The following UNC13C variants were observed in gnomAD, a reference collection of about 807,000 sequenced individuals.
UNC13C encodes the protein protein unc-13 homolog C.
A neutral mutation model predicts 245.4 loss-of-function variants in UNC13C; 174 were observed. The ratio of observed to expected loss-of-function variants is 0.71; its 90% CI spans 0.63 to 0.80. The LOEUF (loss-of-function observed/expected upper bound fraction) is 0.80, where lower values mean the gene tolerates loss of function less well. UNC13C is among the 30% of genes least tolerant of loss of function. The pLI, the probability that UNC13C is intolerant of heterozygous loss-of-function variation, is 0.00. For missense variants in UNC13C, 2,829 were observed against 2,602.9 expected (o/e 1.09, Z -1.89); for synonymous variants, 992 against 895.1 (o/e 1.11, Z -1.93).
intron 10 of UNC13C, among the ~76,000 whole-genome samples, chr15:54,275,699 G>C (rs1419612949): frequency 6.6e-6 from 1 of 152,052 alleles, no homozygotes; most frequent in African/African-American, 2.4e-5. Context: ...AATTCTCATA[G>C]AACTGGAATT....
At chr15:54,394,418 T>G (rs911540332) in intron 18 of UNC13C, among the ~76,000 whole-genome samples, 2 of 151,888 alleles carry the variant, frequency 1.3e-5, no homozygotes, top group Admixed American at 6.6e-5. Context: ...TCTTCTATTC[T>G]CTTCTGTTAG....
intron 24 of UNC13C, among the ~76,000 whole-genome samples, chr15:54,520,413 A>C (rs1425082155): frequency 1.3e-5 from 2 of 152,168 alleles, no homozygotes; most frequent in Non-Finnish European, 2.9e-5. Context: ...AGCATGTATG[A>C]GCCATCAAAG....
At chr15:54,251,627 T>C (rs2036155285) in intron 8 of UNC13C, among the ~76,000 whole-genome samples, 1 of 152,238 alleles carries the variant, frequency 6.6e-6, no homozygotes, top group Non-Finnish European at 1.5e-5. Context: ...ACTACTTTAT[T>C]TATTTGGTAG....
rs1567216603 is a variant in UNC13C at position 54,363,734 on chromosome 15, C to G, written c.4713+25245C>G. Among the ~76,000 whole-genome samples the G allele has an allele frequency of 3.3e-5, 5 of 152,118 alleles. No individual in the cohort carries two copies. In the South Asian group the frequency reaches 1.0e-3, roughly 32 times the overall value. On this transcript the variant is annotated intron_variant, in intron 17 of 32. Coordinates refer to ENST00000260323, the MANE Select transcript of UNC13C (RefSeq NM_001080534.3). ...GCAACAGACTATTTGGGTAAGCTGT[C>G]TGTGTTAAATTTCCTGATTTTCTCT...
chr15:54,392,626 T>C (rs1322185922), intron 17 of UNC13C, among the ~76,000 whole-genome samples: 2 of 151,774 alleles, frequency 1.3e-5, no homozygotes, highest in Admixed American at 1.3e-4. Context: ...AGATAAATTT[T>C]ATGCATACAC....
At chr15:53,969,733 C>A in the UNC13C span, among the ~76,000 whole-genome samples, 1 of 150,138 alleles carries the variant, frequency 6.7e-6, no homozygotes, top group Admixed American at 6.6e-5. Flanking sequence ...ATCCCATACA[C>A]TTAACATAAA....
chr15:54,485,383 A>G (rs1893352405), intron 19 of UNC13C, among the ~76,000 whole-genome samples: 1 of 152,228 alleles, frequency 6.6e-6, no homozygotes, highest in Non-Finnish European at 1.5e-5. Flanking sequence ...GAAAGAGGTG[A>G]GAGGTAAGGC....
upstream of UNC13C, among the ~76,000 whole-genome samples, chr15:53,975,525 A>G (rs1893669007): frequency 6.6e-6 from 1 of 152,230 alleles, no homozygotes; most frequent in Non-Finnish European, 1.5e-5. Context: ...AAACACTGAA[A>G]ACACAATTCC....
At chr15:54,520,182 A>G (rs374792925) in intron 24 of UNC13C, among the ~76,000 whole-genome samples, 5 of 152,208 alleles carry the variant, frequency 3.3e-5, no homozygotes, top group African/African-American at 9.6e-5. Context: ...AAAATTCAGA[A>G]TCTGGAAGTG....
the UNC13C span, among the ~76,000 whole-genome samples, chr15:53,936,759 C>T: frequency 6.6e-6 from 1 of 152,124 alleles, no homozygotes; most frequent in Admixed American, 6.5e-5. Context: ...TGGAGTGGAC[C>T]CCCAGCAAAC....
chr15:53,868,316 G>C, the UNC13C span, among the ~76,000 whole-genome samples: 4 of 152,150 alleles, frequency 2.6e-5, no homozygotes, highest in Admixed American at 6.5e-5. Context: ...GGACTGATCC[G>C]CACAAAACCC....
At chr15:54,396,697 A>G (rs1171098349) in intron 18 of UNC13C, among the ~76,000 whole-genome samples, 3 of 151,440 alleles carry the variant, frequency 2.0e-5, no homozygotes, top group Non-Finnish European at 4.4e-5. Flanking sequence ...TTGGTTTGAT[A>G]AATCTTTTAG....
At chr15:54,311,625 T>C (rs2037875527) in intron 13 of UNC13C, among the ~76,000 whole-genome samples, 1 of 151,772 alleles carries the variant, frequency 6.6e-6, no homozygotes, top group African/African-American at 2.4e-5. Context: ...ATTTCATTAA[T>C]ATCTTTAAAA....
intron 4 of UNC13C, among the ~76,000 whole-genome samples, chr15:54,229,559 T>C (rs1401219151): frequency 6.6e-6 from 1 of 152,204 alleles, no homozygotes; most frequent in Non-Finnish European, 1.5e-5. Context: ...TTGAAGTTCA[T>C]TTACATTGTG....
chr15:54,409,167 GCTC>G (rs1165452510), intron 18 of UNC13C, among the ~76,000 whole-genome samples: 3 of 151,920 alleles, frequency 2.0e-5, no homozygotes, highest in Non-Finnish European at 2.9e-5. Flanking sequence ...AAGGTGAACA[GCTC>G]CTTTCTTGTG....
intron 19 of UNC13C, among the ~76,000 whole-genome samples, chr15:54,433,900 C>G (rs956523096): frequency 6.6e-6 from 1 of 151,990 alleles, no homozygotes; most frequent in East Asian, 1.9e-4. Flanking sequence ...GATACAAAAT[C>G]GATGTGCAAA....
At chr15:54,227,921 T>C (rs1310555591) in intron 4 of UNC13C, among the ~76,000 whole-genome samples, 1 of 152,210 alleles carries the variant, frequency 6.6e-6, no homozygotes, top group African/African-American at 2.4e-5. Context: ...GCCAGGCTTG[T>C]GTCCTTCCCT....
chr15:54,274,498 T>G (rs1042605210), intron 10 of UNC13C, among the ~76,000 whole-genome samples: 18 of 152,080 alleles, frequency 1.2e-4, no homozygotes, highest in Non-Finnish European at 2.5e-4. Context: ...GACCAATAGA[T>G]TTTTGCTAAA....
chr15:54,481,494 T>C (rs1893115666), intron 19 of UNC13C, among the ~76,000 whole-genome samples: 1 of 152,134 alleles, frequency 6.6e-6, no homozygotes, highest in African/African-American at 2.4e-5. Flanking sequence ...TGTGTGTGTG[T>C]ACCTGCAGTC....
Sources: allele counts gnomAD v4.1 joint callset (sites outside exome capture counted in the v4.1 genomes callset), GRCh38; gene constraint gnomAD v4.1.1; transcripts MANE v1.5; gene names NCBI Gene and HGNC (gene_info 2026-07-23, HGNC 2026-07-21).